CD244: variants seen among roughly 807,000 people sequenced by gnomAD.
CD244 encodes the protein CD244 molecule, also known as natural killer cell receptor 2B4.
Under a neutral mutation model 45.5 loss-of-function variants are expected in CD244, and 20 were observed. The ratio of observed to expected loss-of-function variants is 0.44; its 90% CI spans 0.31 to 0.64. The LOEUF (loss-of-function observed/expected upper bound fraction) is 0.64. CD244 is among the 30% of genes least tolerant of loss of function. The pLI is 0.08. For missense variants in CD244, 407 were observed against 426.9 expected, an observed-to-expected ratio of 0.95 and a Z score of 0.41; for synonymous variants, 185 against 160.5, an observed-to-expected ratio of 1.15 and a Z score of -1.15.
At chr1:160,860,641 T>A (rs540502366) in intron 1 of CD244, among the ~76,000 whole-genome samples, 2 of 152,224 alleles carry the variant, frequency 1.3e-5, no homozygotes, top group African/African-American at 2.4e-5. Context: ...TGTTCTCAAG[T>A]GGTTCAGCAA....
chr1:160,836,280 A>G (rs755719277), intron 5 of CD244, 26 bp from the exon 6 acceptor site: 1 of 1,583,008 alleles, frequency 6.3e-7, no homozygotes, highest in South Asian at 1.1e-5. Flanking sequence ...AGATGGGGTA[A>G]CATGAGCGAC....
chr1:160,831,457 C>A (rs1669112474), intron 8 of CD244, 30 bp from the exon 9 acceptor site: 2 of 1,488,360 alleles, frequency 1.3e-6, no homozygotes, highest in Non-Finnish European at 1.9e-6. Flanking sequence ...ACTTCAGACC[C>A]TTGCACTGGG....
rs1436842518 is a variant in CD244 at position 160,836,241 on chromosome 1, G to GTCTGCT, written c.842_847dup (p.Gln282_Thr283insLysGln). 6.2e-7 allele frequency: 1 copy of GTCTGCT among 1,613,656 alleles called. No individual in the cohort carries two copies. Among genetic ancestry groups the GTCTGCT allele is most frequent in the Non-Finnish European group, 8.5e-7 (1 of 1,179,602 alleles). On this transcript the variant is annotated inframe_insertion, in exon 6 of 9. Coordinates refer to ENST00000368034, the MANE Select transcript of CD244 (RefSeq NM_016382.4). ...GATGGTGCTCCCCCCTCCAGGAAAA[G>GTCTGCT]TCTGCTCCTGCTCCTGCACAAGAAA...
intron 1 of CD244, among the ~76,000 whole-genome samples, chr1:160,850,757 G>A (rs1335076730): frequency 6.6e-6 from 1 of 152,078 alleles, no homozygotes; most frequent in Admixed American, 6.5e-5. Flanking sequence ...AGTTTCCCAC[G>A]TGCCAAGCAA....
chr1:160,861,709 C>T (rs1028626396), intron 1 of CD244, among the ~76,000 whole-genome samples: 3 of 151,980 alleles, frequency 2.0e-5, no homozygotes, highest in Non-Finnish European at 4.4e-5. Flanking sequence ...TGGTGGCGCA[C>T]GTCTGTAATT....
chr1:160,842,059 C>T (rs1669565828), intron 1 of CD244, among the ~76,000 whole-genome samples, 158 bp from the exon 2 acceptor site: 2 of 152,136 alleles, frequency 1.3e-5, no homozygotes, highest in Non-Finnish European at 2.9e-5. Flanking sequence ...CCATCTGCCT[C>T]CCCTTGTCCC....
At chr1:160,853,286 T>G (rs1361270534) in intron 1 of CD244, among the ~76,000 whole-genome samples, 5 of 152,146 alleles carry the variant, frequency 3.3e-5, no homozygotes, top group Non-Finnish European at 7.4e-5. Context: ...ACATAGTGAA[T>G]TATTTCACTG....
intron 1 of CD244, among the ~76,000 whole-genome samples, chr1:160,854,726 A>G (rs968702720): frequency 7.2e-5 from 11 of 152,186 alleles, no homozygotes; most frequent in African/African-American, 2.7e-4. Context: ...TGTGATCTAC[A>G]GTCCTCATGC....
chr1:160,849,283 C>CTTTCT (rs569679394), intron 1 of CD244, among the ~76,000 whole-genome samples: 1 of 139,328 alleles, frequency 7.2e-6, no homozygotes, highest in African/African-American at 2.6e-5. Context: ...CCATCTCTTT[C>CTTTCT]TTTTTTTTTT....
intron 1 of CD244, among the ~76,000 whole-genome samples, chr1:160,860,099 CG>C (rs1458678836): frequency 2.0e-5 from 3 of 151,406 alleles, no homozygotes; most frequent in African/African-American, 7.3e-5. Context: ...CCCAGCTACT[CG>C]GGAGGCTGAG....
intron 5 of CD244, among the ~76,000 whole-genome samples, chr1:160,837,765 C>A (rs779483806): frequency 2.0e-4 from 31 of 152,270 alleles, no homozygotes; most frequent in Non-Finnish European, 3.8e-4. Context: ...TCCATCAGAG[C>A]TTTTCCCCTG....
In CD244 at chr1:160,841,490, A is replaced by C; in HGVS notation, c.380-5T>G. On this transcript the variant is annotated splice_polypyrimidine_tract_variant and splice_region_variant and intron_variant, in intron 2 of 8. Transcript: ENST00000368034. ...GGCGGGGTTTCTCAACTTTATCTGG[A>C]AGCAGAGATTCTGATCAGAAAGGCA... The C allele has an allele frequency of 6.2e-7, 1 of 1,613,912 alleles. No homozygotes were observed. Among genetic ancestry groups the C allele is most frequent in the South Asian group, 1.1e-5 (1 of 91,074 alleles).
intron 3 of CD244, 122 bp downstream of exon 3, chr1:160,841,088 C>T (rs1050452673): frequency 2.1e-6 from 2 of 937,166 alleles, no homozygotes; most frequent in Non-Finnish European, 3.3e-6. Flanking sequence ...CTGGGAAGGG[C>T]TACAAGGCAC....
At chr1:160,834,896 A>C (rs946549458) in intron 6 of CD244, among the ~76,000 whole-genome samples, 2 of 152,184 alleles carry the variant, frequency 1.3e-5, no homozygotes, top group Non-Finnish European at 2.9e-5. Context: ...TTCTCCTTTT[A>C]AGATGCTCCA....
chr1:160,853,671 A>AGTTT (rs1669997265), intron 1 of CD244, among the ~76,000 whole-genome samples: 1 of 151,774 alleles, frequency 6.6e-6, no homozygotes, highest in South Asian at 2.1e-4. Context: ...CACTCATCTC[A>AGTTT]GCTAAACCCA....
intron 1 of CD244, among the ~76,000 whole-genome samples, chr1:160,843,140 TA>T (rs1425984168): frequency 1.3e-5 from 2 of 152,192 alleles, no homozygotes; most frequent in African/African-American, 4.8e-5. Flanking sequence ...CTCAAGAGAC[TA>T]AGTAAATAAT....
intron 1 of CD244, among the ~76,000 whole-genome samples, chr1:160,852,673 C>T (rs973309167): frequency 6.6e-5 from 10 of 152,112 alleles, no homozygotes; most frequent in African/African-American, 1.9e-4. Flanking sequence ...AACTATTTTA[C>T]GGTATCTTCT....
chr1:160,836,132 CAGGGGGGCAT>C, intron 6 of CD244, 53 bp downstream of exon 6: 1 of 1,236,372 alleles, frequency 8.1e-7, no homozygotes, highest in Non-Finnish European at 1.2e-6. Flanking sequence ...GTGTGAGTTT[CAGGGGGGCAT>C]TAGGAAACCC....
At chr1:160,858,341 C>A (rs902296130) in intron 1 of CD244, among the ~76,000 whole-genome samples, 3 of 152,088 alleles carry the variant, frequency 2.0e-5, no homozygotes, top group Non-Finnish European at 4.4e-5. Context: ...GTGACAGTTC[C>A]AACACAATCT....
Sources: gnomAD v4.1 joint callset for allele counts (sites outside exome capture counted in the v4.1 genomes callset) on GRCh38, gnomAD v4.1.1 for gene constraint, MANE v1.5 for transcripts, NCBI Gene and HGNC (gene_info 2026-07-23, HGNC 2026-07-21) for gene names.